DCC: variants seen among roughly 807,000 people sequenced by gnomAD.
DCC encodes netrin receptor DCC.
Under a neutral mutation model 172.5 loss-of-function variants are expected in DCC, and 58 were observed. The ratio of observed to expected loss-of-function variants is 0.34; its 90% CI spans 0.27 to 0.42. The LOEUF (loss-of-function observed/expected upper bound fraction) is 0.42, where lower values mean the gene tolerates loss of function less well. DCC is among the 10% of genes least tolerant of loss of function. The pLI is 1.00. For missense variants in DCC, 1,740 were observed against 1,791.0 expected (o/e 0.97, Z 0.51); for synonymous variants, 709 against 644.5 (o/e 1.10, Z -1.52).
At chr18:52,769,662 A>G (rs967313365) in intron 2 of DCC, among the ~76,000 whole-genome samples, 3 of 152,182 alleles carry the variant, frequency 2.0e-5, no homozygotes, top group African/African-American at 7.2e-5. Flanking sequence ...AGCCATCTCT[A>G]TACCCAAGAT....
At chr18:53,286,205 G>T (rs966751125) in intron 12 of DCC, among the ~76,000 whole-genome samples, 2 of 152,006 alleles carry the variant, frequency 1.3e-5, no homozygotes, top group Non-Finnish European at 2.9e-5. Context: ...GGGGTGAAAT[G>T]GTGTGGTTTG....
At chr18:52,420,026 G>A (rs539576729) in intron 1 of DCC, among the ~76,000 whole-genome samples, 60 of 152,292 alleles carry the variant, frequency 3.9e-4, no homozygotes, top group Admixed American at 6.5e-4. Context: ...AGAGCCAGGA[G>A]TTGACAATGT....
At chr18:52,436,653 A>T (rs1245252587) in intron 1 of DCC, among the ~76,000 whole-genome samples, 3 of 152,200 alleles carry the variant, frequency 2.0e-5, no homozygotes, top group Non-Finnish European at 1.5e-5. Context: ...CACACCTGTA[A>T]TTCCAGCACT....
chr18:53,056,185 G>A (rs916046557), intron 5 of DCC, among the ~76,000 whole-genome samples: 3 of 152,006 alleles, frequency 2.0e-5, no homozygotes, highest in South Asian at 2.1e-4. Flanking sequence ...TCACAATCAC[G>A]GCGAAAGGCA....
intron 1 of DCC, among the ~76,000 whole-genome samples, chr18:52,370,568 G>A (rs1177827391): frequency 2.6e-5 from 4 of 152,118 alleles, no homozygotes; most frequent in African/African-American, 9.7e-5. Context: ...TGTCAGGGGT[G>A]TGGGGGCAGG....
chr18:52,572,268 A>T (rs2033317231), intron 1 of DCC, among the ~76,000 whole-genome samples: 1 of 152,218 alleles, frequency 6.6e-6, no homozygotes, highest in African/African-American at 2.4e-5. Flanking sequence ...GTCGACAGAT[A>T]CAGCGTGGGA....
chr18:52,792,773 CCA>C (rs1399541527), intron 2 of DCC, among the ~76,000 whole-genome samples: 5 of 12,000 alleles, frequency 4.2e-4, no homozygotes, highest in Non-Finnish European at 1.3e-3. Flanking sequence ...CCATTCTATT[CCA>C]TTCCATTCCA....
At chr18:53,018,095 C>G (rs1208129863) in intron 5 of DCC, among the ~76,000 whole-genome samples, 1 of 152,116 alleles carries the variant, frequency 6.6e-6, no homozygotes, top group Non-Finnish European at 1.5e-5. Flanking sequence ...GTGCAGCAAA[C>G]CACCATGGCA....
Position 53,217,262 on chromosome 18 carries a change from T to TACACACAC in DCC, c.1911+1697_1911+1704dup, listed in dbSNP as rs36226906. On this transcript the variant is annotated intron_variant, in intron 12 of 28. Transcript: ENST00000442544. Reference sequence around the variant, plus strand: ...ATTGCAAAATTGACTATATATATTATACACACACACACACACACACACACA... The same window carrying TACACACAC: ...ATTGCAAAATTGACTATATATATTATACACACACACACACACACACACACACACACACA... 3.1e-4 allele frequency among the ~76,000 whole-genome samples: 42 copies of TACACACAC among 133,366 alleles called. No individual in the cohort carries two copies. In the East Asian group the frequency reaches 3.3e-3, roughly 10 times the overall value. The allele number at this position is 133,366 out of a possible 152,430, so 87.5% of individuals were successfully genotyped here. A position where few individuals can be genotyped will look rare whatever the true frequency, so the allele number is the denominator to read the frequency against.
In DCC at chr18:52,462,233, T is replaced by C. The variant is rs555163498; in HGVS notation, c.91+121355T>C. On this transcript the variant is annotated intron_variant, in intron 1 of 28. Coordinates refer to ENST00000442544, the MANE Select transcript of DCC (RefSeq NM_005215.4). ...CTTCTACCTTTGGCCCACTACATCA[T>C]ACACAGCAGAACAGACAGGGTTACC... 9.2e-5 allele frequency among the ~76,000 whole-genome samples: 14 copies of C among 152,242 alleles called. 1 individual carries two copies. The South Asian group carries it at 2.9e-3, about 32-fold the overall frequency.
chr18:52,712,285 C>T (rs968251277), intron 1 of DCC, among the ~76,000 whole-genome samples: 14 of 151,984 alleles, frequency 9.2e-5, no homozygotes, highest in Admixed American at 8.5e-4. Context: ...TTAAAATGAG[C>T]CTGTTAGGTA....
intron 15 of DCC, among the ~76,000 whole-genome samples, chr18:53,343,663 T>C (rs1568069300): frequency 1.3e-5 from 2 of 151,980 alleles, no homozygotes; most frequent in Admixed American, 6.6e-5. Context: ...TCCAGTTAGA[T>C]TGGCTCATAA....
At chr18:52,378,398 C>T (rs368750561) in intron 1 of DCC, among the ~76,000 whole-genome samples, 1 of 151,844 alleles carries the variant, frequency 6.6e-6, no homozygotes, top group Non-Finnish European at 1.5e-5. Flanking sequence ...TGTAATCCAA[C>T]GAGCCTTTGT....
At chr18:53,185,498 A>G (rs550524078) in intron 9 of DCC, among the ~76,000 whole-genome samples, 46 of 152,358 alleles carry the variant, frequency 3.0e-4, no homozygotes, top group Non-Finnish European at 2.9e-4. Context: ...TCAGTTTGTC[A>G]GTCACAATAG....
intron 2 of DCC, among the ~76,000 whole-genome samples, chr18:52,866,930 G>A (rs11533771): frequency 0.23 from 34,908 of 152,056 alleles, 4,702 homozygotes; most frequent in Admixed American, 0.32. Context: ...AATAAGAGTC[G>A]TGAGAGAAGG....
intron 21 of DCC, among the ~76,000 whole-genome samples, chr18:53,433,742 C>T (rs1911771095): frequency 6.6e-6 from 1 of 152,136 alleles, no homozygotes; most frequent in Non-Finnish European, 1.5e-5. Flanking sequence ...ACAATTTCAG[C>T]TCATTTTGAT....
At chr18:52,595,920 C>A (rs1458084289) in intron 1 of DCC, among the ~76,000 whole-genome samples, 1 of 152,150 alleles carries the variant, frequency 6.6e-6, no homozygotes, top group Non-Finnish European at 1.5e-5. Flanking sequence ...GAAATCTCAG[C>A]CAAGACATGG....
chr18:53,440,700 AAAGAT>A (rs930703504), intron 22 of DCC, among the ~76,000 whole-genome samples: 35 of 152,324 alleles, frequency 2.3e-4, no homozygotes, highest in Admixed American at 9.2e-4. Context: ...GATGAAAAGA[AAAGAT>A]AACTAGAGTA....
At chr18:52,798,124 T>G (rs1049811939) in intron 2 of DCC, among the ~76,000 whole-genome samples, 2 of 146,580 alleles carry the variant, frequency 1.4e-5, no homozygotes, top group Non-Finnish European at 1.5e-5. Flanking sequence ...AATGAGATGT[T>G]GCATAGGGCA....
Sources: gnomAD v4.1 joint callset for allele counts (sites outside exome capture counted in the v4.1 genomes callset) on GRCh38, gnomAD v4.1.1 for gene constraint, MANE v1.5 for transcripts, NCBI Gene and HGNC (gene_info 2026-07-23, HGNC 2026-07-21) for gene names.